Variants in PDE1A observed in about 807,000 individuals in gnomAD.
PDE1A encodes the protein phosphodiesterase 1A.
In PDE1A, 35 loss-of-function variants were observed where a neutral mutation model predicts 61.7. That is an observed-to-expected ratio of 0.57 (90% CI 0.43 to 0.75). The LOEUF is 0.75. Ranked by LOEUF, PDE1A falls within the 30% of genes least tolerant of loss-of-function variation. The pLI is 0.00. For missense variants in PDE1A, 597 were observed against 630.6 expected (o/e 0.95, Z 0.57); for synonymous variants, 232 against 213.2 (o/e 1.09, Z -0.77).
At chr2:182,497,614 C>T (rs1688793847) in intron 2 of PDE1A, among the ~76,000 whole-genome samples, 1 of 152,070 alleles carries the variant, frequency 6.6e-6, no homozygotes. Flanking sequence ...TTCCTCATTC[C>T]GTTCTAGAAC....
the PDE1A span, among the ~76,000 whole-genome samples, chr2:182,671,807 GAC>G: frequency 1.5e-4 from 13 of 84,706 alleles, no homozygotes; most frequent in Non-Finnish European, 2.6e-4. Context: ...TTTTAGTAGA[GAC>G]AGAGTTTCAC....
intron 2 of PDE1A, among the ~76,000 whole-genome samples, chr2:182,501,514 C>G (rs1689079436): frequency 6.6e-6 from 1 of 152,170 alleles, no homozygotes; most frequent in South Asian, 2.1e-4. Context: ...AAGAGAAAGC[C>G]TCCTAATGAA....
At chr2:182,584,982 TA>T in the PDE1A span, among the ~76,000 whole-genome samples, 1 of 152,198 alleles carries the variant, frequency 6.6e-6, no homozygotes, top group Non-Finnish European at 1.5e-5. Context: ...AACCTGGACG[TA>T]AAAAAAGTAA....
chr2:182,564,217 G>A, the PDE1A span, among the ~76,000 whole-genome samples: 2 of 152,078 alleles, frequency 1.3e-5, no homozygotes, highest in African/African-American at 2.4e-5. Flanking sequence ...CATGTTTAGT[G>A]CTTCCTTCAG....
At chr2:182,476,772 G>A (rs1001073631) in intron 2 of PDE1A, among the ~76,000 whole-genome samples, 2 of 151,402 alleles carry the variant, frequency 1.3e-5, no homozygotes, top group African/African-American at 4.8e-5. Flanking sequence ...CCCTGAAAAT[G>A]AAGATACAGA....
the PDE1A span, among the ~76,000 whole-genome samples, chr2:182,554,856 G>C: frequency 2.6e-5 from 4 of 152,202 alleles, no homozygotes; most frequent in East Asian, 7.7e-4. Flanking sequence ...TTAGCAAAAC[G>C]AAGTCAGTAT....
At chr2:182,237,016 C>G (rs528017890) in intron 3 of PDE1A, among the ~76,000 whole-genome samples, 1 of 152,174 alleles carries the variant, frequency 6.6e-6, no homozygotes, top group South Asian at 2.1e-4. Context: ...GAATGAGCAT[C>G]GGAGATATCT....
the PDE1A span, among the ~76,000 whole-genome samples, chr2:182,568,715 T>C: frequency 2.0e-5 from 3 of 152,164 alleles, no homozygotes; most frequent in Non-Finnish European, 4.4e-5. Flanking sequence ...TCTGTATTTA[T>C]CATCAATACA....
At chr2:182,586,516 A>G in the PDE1A span, among the ~76,000 whole-genome samples, 3 of 152,212 alleles carry the variant, frequency 2.0e-5, no homozygotes, top group Non-Finnish European at 4.4e-5. Flanking sequence ...ACAACTTTGC[A>G]TTGCCTGTTA....
At chr2:182,576,678 G>A in the PDE1A span, among the ~76,000 whole-genome samples, 1 of 151,960 alleles carries the variant, frequency 6.6e-6, no homozygotes, top group Non-Finnish European at 1.5e-5. Flanking sequence ...TTTATATCCC[G>A]ACCAACAGTA....
Position 182,422,117 on chromosome 2 carries a change from C to T in PDE1A, c.53+4461G>A, listed in dbSNP as rs74628784. ...GAAACCTGGCTGCCTTTAGTGTCTTCGATCCTGGATGTACAGACTTGTTCT... is the reference window on the plus strand; with the variant it reads ...GAAACCTGGCTGCCTTTAGTGTCTTTGATCCTGGATGTACAGACTTGTTCT... On this transcript the variant is annotated intron_variant, in intron 1 of 13. Transcript: ENST00000351439. Among the ~76,000 whole-genome samples, 266 of 152,274 alleles carry T rather than the reference C, an allele frequency of 1.7e-3. 1 individual carries two copies. Among genetic ancestry groups the T allele is most frequent in the Non-Finnish European group, 2.8e-3 (189 of 68,012 alleles).
chr2:182,165,999 G>A (rs1691632856), downstream of PDE1A, among the ~76,000 whole-genome samples: 1 of 152,222 alleles, frequency 6.6e-6, no homozygotes, highest in South Asian at 2.1e-4. Flanking sequence ...GATGGGATTA[G>A]TACACGTTGG....
At chr2:182,141,750 A>G (rs1690235867) in exon 15 of PDE1A, 1 of 152,208 alleles carries the variant, frequency 6.6e-6, no homozygotes, top group Non-Finnish European at 1.5e-5. Context: ...AAGCAGATGC[A>G]GCAGAAAACT....
At chr2:182,552,513 C>T in the PDE1A span, among the ~76,000 whole-genome samples, 2 of 145,542 alleles carry the variant, frequency 1.4e-5, no homozygotes, top group African/African-American at 2.5e-5. Flanking sequence ...GGCGTGATCT[C>T]GGCTCACTGC....
At chr2:182,624,827 A>T in the PDE1A span, among the ~76,000 whole-genome samples, 20,808 of 152,172 alleles carry the variant, frequency 0.14, 1,706 homozygotes, top group African/African-American at 0.23. Flanking sequence ...ATTGAGAAAC[A>T]ATTCAAATTA....
chr2:182,426,731 A>G, exon 1 of PDE1A: 1 of 1,574,228 alleles, frequency 6.4e-7, no homozygotes. Flanking sequence ...AGGAGCCCAG[A>G]AAGAAAAAGT....
upstream of PDE1A, among the ~76,000 whole-genome samples, chr2:182,527,377 C>T (rs1204196379): frequency 1.2e-4 from 9 of 74,754 alleles, no homozygotes; most frequent in African/African-American, 4.7e-4. Flanking sequence ...TATATATACA[C>T]ATATATATAT....
chr2:182,516,613 A>T (rs1690165252), intron 2 of PDE1A, among the ~76,000 whole-genome samples: 1 of 151,352 alleles, frequency 6.6e-6, no homozygotes, highest in Non-Finnish European at 1.5e-5. Flanking sequence ...AGATCGCACC[A>T]CTGCACCAGA....
chr2:182,711,394 C>G, the PDE1A span, among the ~76,000 whole-genome samples: 1 of 152,026 alleles, frequency 6.6e-6, no homozygotes, highest in African/African-American at 2.4e-5. Flanking sequence ...AATCTGACAC[C>G]TGTGATATTA....
Sources: gnomAD v4.1 joint callset for allele counts (sites outside exome capture counted in the v4.1 genomes callset) on GRCh38, gnomAD v4.1.1 for gene constraint, MANE v1.5 for transcripts, NCBI Gene and HGNC (gene_info 2026-07-23, HGNC 2026-07-21) for gene names.